MGAM2: variants seen among roughly 807,000 people sequenced by gnomAD.
MGAM2 encodes maltase-glucoamylase 2 (putative).
MGAM2 carries 98 observed loss-of-function variants against 96.1 expected under a neutral mutation model. The ratio of observed to expected loss-of-function variants is 1.02; its 90% CI spans 0.87 to 1.21. The LOEUF (loss-of-function observed/expected upper bound fraction) is 1.21, where lower values mean the gene tolerates loss of function less well. Ranked by LOEUF, MGAM2 falls within the 50% of genes most tolerant of loss-of-function variation. The pLI is 0.00. For missense variants in MGAM2, 2,055 were observed against 1,182.4 expected (o/e 1.74, Z -10.82); for synonymous variants, 749 against 414.8 (o/e 1.81, Z -9.79).
intron 3 of MGAM2, 97 bp downstream of exon 3, chr7:142,120,478 G>A: frequency 1.6e-6 from 1 of 608,464 alleles, no homozygotes. Context: ...CATGGCTTCT[G>A]GGCCTCTGAT....
At chr7:142,195,853 G>T (rs558270612) in intron 37 of MGAM2, among the ~76,000 whole-genome samples, 1 of 152,016 alleles carries the variant, frequency 6.6e-6, no homozygotes, top group Non-Finnish European at 1.5e-5. Context: ...TGGAATAGAG[G>T]AATTGTTCCA....
chr7:142,122,976 T>A (rs1386915201), intron 3 of MGAM2, among the ~76,000 whole-genome samples: 1 of 151,984 alleles, frequency 6.6e-6, no homozygotes, highest in Non-Finnish European at 1.5e-5. Context: ...ACTACAGGCA[T>A]GCACCACCAT....
At chr7:142,170,019 T>C (rs1796142331) in intron 26 of MGAM2, 56 bp from the exon 27 acceptor site, 2 of 655,030 alleles carry the variant, frequency 3.1e-6, no homozygotes, top group African/African-American at 3.6e-5. Context: ...TGGGGTGGCA[T>C]GAGGGGTTTT....
At chr7:142,186,191 G>A (rs1294714794) in intron 35 of MGAM2, 68 bp downstream of exon 35, 4 of 681,764 alleles carry the variant, frequency 5.9e-6, no homozygotes, top group Non-Finnish European at 8.0e-6. Context: ...ATGGGGAGGA[G>A]AGACTAGCAA....
At position 142,120,332 on chromosome 7, in the gene MGAM2, T is replaced by C. The variant is rs1425912600; in HGVS notation, c.137T>C (p.Ile46Thr). The change falls in exon 3 of 48, where the codon ATT becomes ACT. Residue 46 changes from isoleucine to threonine, a missense_variant. By Grantham distance (89) the Ile-to-Thr change is moderately conservative. Coordinates refer to ENST00000477922, the MANE Select transcript of MGAM2 (RefSeq NM_001293626.2). ...TCATTTACTCCAGAGTGCCCAGAGA[T>C]TCCCCAGTCGGAAAGGATAGACTGC... Reference protein sequence around the residue: ...DTSFTPECPEIPQSERIDCTP... With the variant: ...DTSFTPECPETPQSERIDCTP... 1 of 703,146 alleles carries C rather than the reference T, an allele frequency of 1.4e-6. No individual in the cohort carries two copies. The highest frequency in any genetic ancestry group is 1.5e-5 in the South Asian group (1 of 67,586). 43.6% of individuals were successfully genotyped at this position (703,146 alleles called of 1,614,324 possible). A position where few individuals can be genotyped will look rare whatever the true frequency, so the allele number is the denominator to read the frequency against.
chr7:142,181,906 C>T (rs1334935455), intron 32 of MGAM2, among the ~76,000 whole-genome samples: 1 of 152,140 alleles, frequency 6.6e-6, no homozygotes, highest in Non-Finnish European at 1.5e-5. Flanking sequence ...CTTCCAATGT[C>T]TGCTCTAGTA....
rs1240800490 is a variant in MGAM2, at chr7:142,167,485, A to G, written c.3026A>G (p.Lys1009Arg). The change falls in exon 26 of 48, where the codon AAG becomes AGG. Residue 1009 changes from lysine (K) to arginine (R), a missense_variant and splice_region_variant. Lys to Arg is a conservative substitution (Grantham distance 26). Transcript: ENST00000477922. ...CACACAGCAACCATGCTGCAGGTCA[A>G]GGTAAGGCCCATGTTGCAGATTCTG... ...IYHTATMLQV[K>R]IYDPTNKRYE... 4 of 702,898 alleles carry G rather than the reference A, an allele frequency of 5.7e-6. No homozygotes were observed. Among genetic ancestry groups the G allele is most frequent in the Admixed American group, 2.0e-5 (1 of 49,998 alleles). The allele number at this position is 702,898 out of a possible 1,614,324, so 43.5% of individuals were successfully genotyped here.
intron 46 of MGAM2, among the ~76,000 whole-genome samples, chr7:142,210,504 G>A (rs942297459): frequency 6.6e-6 from 1 of 152,176 alleles, no homozygotes; most frequent in Non-Finnish European, 1.5e-5. Flanking sequence ...TTGGTGGAGG[G>A]AGGGGCATCC....
chr7:142,150,355 G>A (rs954875296), intron 15 of MGAM2, among the ~76,000 whole-genome samples: 1 of 152,128 alleles, frequency 6.6e-6, no homozygotes, highest in Admixed American at 6.5e-5. Flanking sequence ...CATACGATCA[G>A]TCCTTGATCC....
At chr7:142,207,822 C>G (rs541506521) in intron 45 of MGAM2, among the ~76,000 whole-genome samples, 1 of 152,222 alleles carries the variant, frequency 6.6e-6, no homozygotes, top group East Asian at 1.9e-4. Context: ...ATTATCAGAA[C>G]AGAGTACTCT....
rs1289108522 is a variant in MGAM2 at position 142,221,108 on chromosome 7, C to T, written c.6597C>T (p.Ser2199=). ...TTGACACTACTAGCAACAGTTTTTC[C>T]ATTATGACCACTTCTTTCTCTGAAA... ...TGVDTTSNSF[S]IMTTSFSEST... is the part of the protein sequence containing the mutation. Residue 2199 remains serine (S), a synonymous_variant, in exon 48 of 48, where the codon TCC becomes TCT. Transcript: ENST00000477922. The T allele has an allele frequency of 1.4e-6, 1 of 702,452 alleles. No homozygotes were observed. The highest frequency in any genetic ancestry group is 2.0e-5 in the Admixed American group (1 of 49,974). The allele number at this position is 702,452 out of a possible 1,614,324, so 43.5% of individuals were successfully genotyped here.
intron 7 of MGAM2, among the ~76,000 whole-genome samples, 158 bp downstream of exon 7, chr7:142,134,310 TAGCAATATTAAA>T (rs1794992001): frequency 6.6e-6 from 1 of 152,150 alleles, no homozygotes; most frequent in Admixed American, 6.5e-5. Context: ...TTCAGGAATA[TAGCAATATTAAA>T]AATAAAAAAA....
chr7:142,163,041 T>C (rs1474574797), intron 23 of MGAM2, among the ~76,000 whole-genome samples: 1 of 152,154 alleles, frequency 6.6e-6, no homozygotes, highest in African/African-American at 2.4e-5. Flanking sequence ...ACTAAACTGC[T>C]TGCAACCTTT....
At chr7:142,188,505 A>C (rs1796772962) in intron 36 of MGAM2, among the ~76,000 whole-genome samples, 1 of 152,176 alleles carries the variant, frequency 6.6e-6, no homozygotes, top group Non-Finnish European at 1.5e-5. Flanking sequence ...TTATACCAGT[A>C]ATCTATGGGA....
intron 23 of MGAM2, 26 bp downstream of exon 23, chr7:142,162,030 C>T: frequency 1.5e-6 from 1 of 687,374 alleles, no homozygotes; most frequent in Non-Finnish European, 2.6e-6. Context: ...GAGGAACACA[C>T]AGCATATGTT....
At position 142,172,213 on chromosome 7, in the gene MGAM2, T is replaced by C. The variant is rs1378365253; in HGVS notation, c.3448+19T>C. On this transcript the variant is annotated intron_variant, in intron 29 of 47. Transcript: ENST00000477922. ...GCCATGGGTAAGGCATAGGCACAGC[T>C]CCCATGCACCACCAGAAACAGCTGT... 7.1e-6 allele frequency: 5 copies of C among 703,158 alleles called. No homozygotes were observed. In the East Asian group the frequency reaches 1.1e-4, roughly 15 times the overall value. The allele number at this position is 703,158 out of a possible 1,614,324, so 43.6% of individuals were successfully genotyped here.
intron 3 of MGAM2, among the ~76,000 whole-genome samples, chr7:142,130,462 T>G (rs528887007): frequency 6.6e-6 from 1 of 152,202 alleles, no homozygotes; most frequent in Non-Finnish European, 1.5e-5. Context: ...TTTTTCTGAG[T>G]CTGTCATGCA....
At chr7:142,142,911 G>T (rs1795276582) in intron 12 of MGAM2, among the ~76,000 whole-genome samples, 1 of 152,106 alleles carries the variant, frequency 6.6e-6, no homozygotes, top group South Asian at 2.1e-4. Context: ...GTTGAATGTT[G>T]CTGTAGGTGA....
intron 34 of MGAM2, 105 bp downstream of exon 34, chr7:142,185,244 A>G (rs1796659113): frequency 1.6e-6 from 1 of 610,374 alleles, no homozygotes; most frequent in African/African-American, 1.8e-5. Context: ...AGTAGCCCTA[A>G]CTTGAGGGTG....
Sources: gnomAD v4.1 joint callset for allele counts (sites outside exome capture counted in the v4.1 genomes callset) on GRCh38, gnomAD v4.1.1 for gene constraint, MANE v1.5 for transcripts, NCBI Gene and HGNC (gene_info 2026-07-23, HGNC 2026-07-21) for gene names.